The following LHFPL3 variants were observed in gnomAD, a reference collection of about 807,000 sequenced individuals.
The protein encoded by LHFPL3 is LHFPL tetraspan subfamily member 3, also known as LHFPL tetraspan subfamily member 3 protein.
A neutral mutation model predicts 19.3 loss-of-function variants in LHFPL3; 5 were observed. That is an observed-to-expected ratio of 0.26 (90% CI 0.14 to 0.54). The LOEUF (loss-of-function observed/expected upper bound fraction) is 0.54. LHFPL3 is among the 20% of genes least tolerant of loss of function. The pLI is 0.94. For missense variants in LHFPL3, 249 were observed against 307.4 expected (o/e 0.81, Z 1.42); for synonymous variants, 133 against 126.2 (o/e 1.05, Z -0.36).
At chr7:104,598,252 A>G (rs1028674160) in intron 1 of LHFPL3, among the ~76,000 whole-genome samples, 4 of 152,234 alleles carry the variant, frequency 2.6e-5, no homozygotes, top group African/African-American at 9.6e-5. Flanking sequence ...GGTTCAGTTC[A>G]TACAATTCTG....
intron 1 of LHFPL3, among the ~76,000 whole-genome samples, chr7:104,718,131 TA>T (rs1456552490): frequency 1.3e-5 from 2 of 152,158 alleles, no homozygotes; most frequent in East Asian, 1.9e-4. Flanking sequence ...TAGTGGCTGC[TA>T]GGGGCTGGAG....
Position 104,731,177 on chromosome 7 carries a change from G to A in LHFPL3, c.446-5498G>A, listed in dbSNP as rs376230663. 7.2e-5 allele frequency among the ~76,000 whole-genome samples: 11 copies of A among 152,222 alleles called. No homozygotes were observed. In the East Asian group the frequency reaches 7.7e-4, roughly 11 times the overall value. On this transcript the variant is annotated intron_variant, in intron 1 of 2. Transcript: ENST00000424859. Reference sequence around the variant, plus strand: ...GTAGTATAGTTTGAAGTCAGGTAGCGTGATGCCTCCAGCTTTGTTCTTTTG... The same window carrying A: ...GTAGTATAGTTTGAAGTCAGGTAGCATGATGCCTCCAGCTTTGTTCTTTTG...
intron 1 of LHFPL3, among the ~76,000 whole-genome samples, chr7:104,431,398 T>C (rs1454637823): frequency 6.6e-6 from 1 of 152,222 alleles, no homozygotes; most frequent in Non-Finnish European, 1.5e-5. Flanking sequence ...CCTGCATGCC[T>C]ACACCATGTT....
chr7:104,668,594 C>T lies in LHFPL3; in HGVS notation c.446-68081C>T, dbSNP rs1191368900. ...GAAGAGCATTTGGCAGTGGGTATCG[C>T]AGGGATGATGACTACAGAGAAGGCA... On this transcript the variant is annotated intron_variant, in intron 1 of 2. Coordinates refer to ENST00000424859, the MANE Select transcript of LHFPL3 (RefSeq NM_199000.3). 85 of 1,612,654 alleles carry T rather than the reference C, an allele frequency of 5.3e-5. No individual in the cohort carries two copies. The East Asian group carries it at 1.7e-3, about 33-fold the overall frequency.
chr7:104,548,678 C>G (rs1197981825), intron 1 of LHFPL3, among the ~76,000 whole-genome samples: 1 of 152,180 alleles, frequency 6.6e-6, no homozygotes, highest in Non-Finnish European at 1.5e-5. Flanking sequence ...GCTTGGCCAA[C>G]CCTGGATTTG....
At chr7:104,758,978 T>A (rs552467031) in intron 2 of LHFPL3, among the ~76,000 whole-genome samples, 7 of 152,350 alleles carry the variant, frequency 4.6e-5, no homozygotes, top group African/African-American at 1.7e-4. Context: ...ACATCTCAAC[T>A]CAGGTAATTT....
intron 1 of LHFPL3, among the ~76,000 whole-genome samples, chr7:104,467,397 A>C (rs1054326747): frequency 1.3e-5 from 2 of 152,226 alleles, no homozygotes; most frequent in African/African-American, 4.8e-5. Flanking sequence ...ACTGAAAAAC[A>C]GGAGTAATAA....
intron 1 of LHFPL3, among the ~76,000 whole-genome samples, chr7:104,533,536 G>A (rs529984753): frequency 2.0e-5 from 3 of 152,314 alleles, no homozygotes; most frequent in Admixed American, 2.0e-4. Flanking sequence ...AAAGCAGAAT[G>A]CTTCAACTTC....
intron 2 of LHFPL3, among the ~76,000 whole-genome samples, chr7:104,876,109 C>A (rs976459866): frequency 3.9e-5 from 6 of 152,174 alleles, no homozygotes; most frequent in Non-Finnish European, 8.8e-5. Flanking sequence ...CCCTTCCTTG[C>A]ACCTTATACA....
intron 2 of LHFPL3, among the ~76,000 whole-genome samples, chr7:104,761,127 G>T (rs1794364733): frequency 6.6e-6 from 1 of 152,200 alleles, no homozygotes; most frequent in Middle Eastern, 3.4e-3. Context: ...AGAGAGGCAG[G>T]CTGCGTTTTT....
At chr7:104,570,080 T>C (rs1790204027) in intron 1 of LHFPL3, among the ~76,000 whole-genome samples, 1 of 152,262 alleles carries the variant, frequency 6.6e-6, no homozygotes, top group East Asian at 1.9e-4. Flanking sequence ...TTTTAAGTGC[T>C]GGCTTAAATT....
chr7:104,604,988 C>T (rs1009675310), intron 1 of LHFPL3, among the ~76,000 whole-genome samples: 4 of 152,144 alleles, frequency 2.6e-5, no homozygotes, highest in African/African-American at 4.8e-5. Context: ...AGTCATTTTC[C>T]TACAGGGATT....
At chr7:104,607,122 A>G (rs1027451957) in intron 1 of LHFPL3, among the ~76,000 whole-genome samples, 1 of 152,150 alleles carries the variant, frequency 6.6e-6, no homozygotes, top group Non-Finnish European at 1.5e-5. Flanking sequence ...CATAATCCTA[A>G]CCTTGGGGCC....
chr7:104,785,590 T>A (rs866887420), intron 2 of LHFPL3: 7 of 152,236 alleles, frequency 4.6e-5, no homozygotes, highest in African/African-American at 1.4e-4. Context: ...TTGATCTTGG[T>A]TAATATTGCC....
intron 1 of LHFPL3, among the ~76,000 whole-genome samples, chr7:104,536,647 C>T (rs1173893562): frequency 6.6e-6 from 1 of 152,288 alleles, no homozygotes; most frequent in African/African-American, 2.4e-5. Context: ...CTGAGACTTC[C>T]GGAGTGTTTC....
intron 2 of LHFPL3, among the ~76,000 whole-genome samples, chr7:104,870,421 G>C (rs1324924200): frequency 6.6e-6 from 1 of 152,118 alleles, no homozygotes; most frequent in Non-Finnish European, 1.5e-5. Context: ...CTGGGAAAGG[G>C]GAATGGGAAC....
At chr7:104,443,551 G>C (rs967957253) in intron 1 of LHFPL3, among the ~76,000 whole-genome samples, 26 of 152,238 alleles carry the variant, frequency 1.7e-4, no homozygotes, top group Admixed American at 1.7e-3. Context: ...AGAATAGTCA[G>C]AAGCATTTAA....
chr7:104,707,024 TA>T (rs1244175745), intron 1 of LHFPL3, among the ~76,000 whole-genome samples: 1 of 152,194 alleles, frequency 6.6e-6, no homozygotes, highest in Non-Finnish European at 1.5e-5. Flanking sequence ...AAAGAAGCCT[TA>T]GATCTTCATT....
At chr7:104,848,022 T>C (rs1441006310) in intron 2 of LHFPL3, among the ~76,000 whole-genome samples, 1 of 152,128 alleles carries the variant, frequency 6.6e-6, no homozygotes, top group African/African-American at 2.4e-5. Flanking sequence ...ATCACAGAAG[T>C]GGATCATTTC....
Sources: allele counts gnomAD v4.1 joint callset (sites outside exome capture counted in the v4.1 genomes callset), GRCh38; gene constraint gnomAD v4.1.1; transcripts MANE v1.5; gene names NCBI Gene and HGNC (gene_info 2026-07-23, HGNC 2026-07-21).